The following MAK16 variants were observed in gnomAD, a reference collection of about 807,000 sequenced individuals.
MAK16 encodes protein MAK16 homolog.
In MAK16, 12 loss-of-function variants were observed where a neutral mutation model predicts 49.9. The observed-to-expected ratio is 0.24, with a 90% CI of 0.15 to 0.39. The LOEUF is 0.39. Among genes scored for constraint, MAK16 ranks in the 10% least tolerant of loss-of-function variants. The probability of loss-of-function intolerance (pLI) is 1.00; values close to 1 mark genes in which losing one functional copy is unlikely to be tolerated. For missense variants in MAK16, 292 were observed against 363.7 expected (o/e 0.80, Z 1.60); for synonymous variants, 115 against 126.4 (o/e 0.91, Z 0.60).
In MAK16 at chr8:33,498,459, G is replaced by A. The variant is rs1348341510; in HGVS notation, c.733G>A (p.Asp245Asn). ...EDMDKLDASS[D>N]EDQDGKSSSE... ...TATGGATAAACTGGATGCCAGCAGTGATGAAGATCAGGATGGTAAATCCTC... is the reference window on the plus strand; with the variant it reads ...TATGGATAAACTGGATGCCAGCAGTAATGAAGATCAGGATGGTAAATCCTC... The change falls in exon 10 of 10, where the codon GAT (aspartate) becomes AAT (asparagine). Residue 245 changes from aspartate (D) to asparagine (N), a missense_variant. Transcript: ENST00000360128. 5.0e-6 allele frequency: 8 copies of A among 1,613,954 alleles called. No homozygotes were observed. The African/African-American group carries it at 9.3e-5, about 19-fold the overall frequency.
At chr8:33,491,627 CT>C (rs554026888) in intron 6 of MAK16, among the ~76,000 whole-genome samples, 1,356 of 89,916 alleles carry the variant, frequency 0.015, 1 homozygote, top group African/African-American at 0.056. Flanking sequence ...CTGCCCCCTG[CT>C]TTTTTTTTTT....
In MAK16 at chr8:33,485,350, ACC is replaced by A. The variant is rs955208105; in HGVS notation, c.15+132_15+133del. Reference sequence around the variant, plus strand: ...CCGCTCTGGATGTGAGGCTTCCGGAACCCCGATTTTCCAACATAGGTTCTCAC... The same window carrying A: ...CCGCTCTGGATGTGAGGCTTCCGGAACCGATTTTCCAACATAGGTTCTCAC... On this transcript the variant is annotated intron_variant, in intron 1 of 9. Coordinates refer to ENST00000360128, the MANE Select transcript of MAK16 (RefSeq NM_032509.4). 3 of 1,267,060 alleles carry A rather than the reference ACC, an allele frequency of 2.4e-6. No individual in the cohort carries two copies. In the African/African-American group the frequency reaches 4.4e-5, roughly 19 times the overall value. 78.5% of individuals were successfully genotyped at this position (1,267,060 alleles called of 1,614,324 possible).
intron 6 of MAK16, among the ~76,000 whole-genome samples, chr8:33,493,079 T>G (rs1808802943): frequency 6.6e-6 from 1 of 152,184 alleles, no homozygotes. Context: ...GTTATGTATC[T>G]AAAATCTGTA....
Position 33,499,204 on chromosome 8 carries a change from A to G in MAK16, c.*575A>G, listed in dbSNP as rs537908079. On this transcript the variant is annotated 3_prime_UTR_variant, in exon 10 of 10. Transcript: ENST00000360128. The stretch of plus-strand genomic sequence containing the variant: ...TCCATTGTAGGGTGCGCCTTCAGAA[A>G]CCTGCTGCACTTTTCTGATATAGTT... 1.4e-5 allele frequency: 23 copies of G among 1,614,120 alleles called. No individual in the cohort carries two copies. In the East Asian group the frequency reaches 4.9e-4, roughly 34 times the overall value.
chr8:33,494,060 T>G (rs1808818093), intron 6 of MAK16, among the ~76,000 whole-genome samples: 1 of 152,222 alleles, frequency 6.6e-6, no homozygotes, highest in Admixed American at 6.5e-5. Flanking sequence ...AATATTTTTC[T>G]TTTTGTGAAA....
intron 6 of MAK16, among the ~76,000 whole-genome samples, chr8:33,494,144 G>A (rs1282148465): frequency 6.6e-6 from 1 of 152,142 alleles, no homozygotes; most frequent in Non-Finnish European, 1.5e-5. Context: ...CGCCATCTCG[G>A]CTCACTGCAA....
rs1808745511 is a variant in MAK16, at chr8:33,489,595, G to C, written c.392+456G>C. ...GGGTTTCACCATGTTGGCCAGGCTG[G>C]TCTAGAATTCCTGACCTCAAGCGAT... On this transcript the variant is annotated intron_variant, in intron 5 of 9. Coordinates refer to ENST00000360128, the MANE Select transcript of MAK16 (RefSeq NM_032509.4). The surrounding 1 kb of genome is among the most constrained non-coding windows in gnomAD (Gnocchi z 4.2). 6.6e-6 allele frequency among the ~76,000 whole-genome samples: 1 copy of C among 152,054 alleles called. No homozygotes were observed. Among genetic ancestry groups the C allele is most frequent in the African/African-American group, 2.4e-5 (1 of 41,386 alleles).
chr8:33,489,507 G>T lies in MAK16; in HGVS notation c.392+368G>T, dbSNP rs1808744147. 6.6e-6 allele frequency among the ~76,000 whole-genome samples: 1 copy of T among 152,142 alleles called. No individual in the cohort carries two copies. The highest frequency in any genetic ancestry group is 1.5e-5 in the Non-Finnish European group (1 of 68,028). ...TCCTCCCACCTCAGCCTCCTGAGCA[G>T]CTAGGATTACAGGCATGGACCACCA... On this transcript the variant is annotated intron_variant, in intron 5 of 9. Transcript: ENST00000360128. This position sits in a 1 kb window ranked among gnomAD's most constrained non-coding sequence, Gnocchi z 4.2.
At chr8:33,492,057 T>C (rs1808787239) in intron 6 of MAK16, among the ~76,000 whole-genome samples, 1 of 152,062 alleles carries the variant, frequency 6.6e-6, no homozygotes, top group Admixed American at 6.6e-5. Context: ...TCACCCAGGC[T>C]GGAGTGCTAT....
At chr8:33,497,811 C>T (rs1808900353) in intron 9 of MAK16, among the ~76,000 whole-genome samples, 1 of 151,322 alleles carries the variant, frequency 6.6e-6, no homozygotes, top group Non-Finnish European at 1.5e-5. Context: ...TTTTAAAAAT[C>T]ATGACCAGGC....
rs1808744845 is a variant in MAK16, at chr8:33,489,558, T to C, written c.392+419T>C. On this transcript the variant is annotated intron_variant, in intron 5 of 9. Transcript: ENST00000360128. This position sits in a 1 kb window ranked among gnomAD's most constrained non-coding sequence, Gnocchi z 4.2. ...TGCCTGGTTAATTTTTTTTGTATTT[T>C]TAGTAGAGATGGGGTTTCACCATGT... 6.6e-6 allele frequency among the ~76,000 whole-genome samples: 1 copy of C among 152,042 alleles called. No homozygotes were observed. The highest frequency in any genetic ancestry group is 1.5e-5 in the Non-Finnish European group (1 of 68,000).
Position 33,495,543 on chromosome 8 carries a change from A to G in MAK16, c.449A>G (p.Glu150Gly). 6.2e-7 allele frequency: 1 copy of G among 1,612,154 alleles called. No individual in the cohort carries two copies. The highest frequency in any genetic ancestry group is 8.5e-7 in the Non-Finnish European group (1 of 1,178,962). The change falls in exon 7 of 10, where the codon GAA (glutamate) becomes GGA (glycine). Residue 150 changes from glutamate (E) to glycine (G), a missense_variant and splice_region_variant. Coordinates refer to ENST00000360128, the MANE Select transcript of MAK16 (RefSeq NM_032509.4). ...KVERREKRRE[E>G]KALIAAQLDN... ...AGATTTGCTCTTTCCCCCTTATAGG[A>G]AAAGGCATTAATAGCTGCTCAGCTG...
rs780112855 is a variant in MAK16, at chr8:33,490,372, C to T, written c.447+33C>T. ...ATTGTTGAGATATTCATACCTTCTA[C>T]ATTTTCTTTCTGGGGGTCTCTTATA... is the stretch of plus-strand genomic sequence containing the variant. On this transcript the variant is annotated intron_variant, in intron 6 of 9. Transcript: ENST00000360128. The T allele has an allele frequency of 3.0e-5, 47 of 1,579,160 alleles. 3 individuals are homozygous for T. The South Asian group carries it at 4.8e-4, about 16-fold the overall frequency.
At chr8:33,488,942 G>T (rs1459691852) in intron 4 of MAK16, 46 bp from the exon 5 acceptor site, 2 of 1,612,796 alleles carry the variant, frequency 1.2e-6, no homozygotes, top group African/African-American at 1.3e-5. Context: ...AAAACCTAAT[G>T]AATCATTTAC....
chr8:33,500,820 T>G lies in MAK16; in HGVS notation c.*2191T>G. 8.4e-6 allele frequency: 2 copies of G among 238,236 alleles called. No individual in the cohort carries two copies. The highest frequency in any genetic ancestry group is 6.2e-5 in the South Asian group (1 of 16,218). 14.8% of individuals were successfully genotyped at this position (238,236 alleles called of 1,614,324 possible). ...TCTCCCCAACCAAGGGCCTATACTT[T>G]TATTTTTCAACTCTATTAACTGAAC... On this transcript the variant is annotated 3_prime_UTR_variant, in exon 10 of 10. Coordinates refer to ENST00000360128, the MANE Select transcript of MAK16 (RefSeq NM_032509.4).
intron 2 of MAK16, 24 bp downstream of exon 2, chr8:33,488,451 T>C: frequency 1.9e-6 from 3 of 1,614,096 alleles, no homozygotes; most frequent in Non-Finnish European, 2.5e-6. Context: ...TACAACTTGG[T>C]CAAAGATTCC....
chr8:33,494,613 GAC>G (rs1394647996), intron 6 of MAK16, among the ~76,000 whole-genome samples: 1 of 152,180 alleles, frequency 6.6e-6, no homozygotes, highest in Non-Finnish European at 1.5e-5. Context: ...TTACTTTATA[GAC>G]AGAGTCAAGG....
Position 33,499,331 on chromosome 8 carries a change from C to T in MAK16, c.*702C>T, listed in dbSNP as rs1036251555. 9.0e-5 allele frequency: 115 copies of T among 1,280,792 alleles called. No homozygotes were observed. Among genetic ancestry groups the T allele is most frequent in the South Asian group, 4.2e-4 (35 of 82,438 alleles). The allele number at this position is 1,280,792 out of a possible 1,614,324, so 79.3% of individuals were successfully genotyped here. On this transcript the variant is annotated 3_prime_UTR_variant, in exon 10 of 10. Coordinates refer to ENST00000360128, the MANE Select transcript of MAK16 (RefSeq NM_032509.4). ...TATTTTTTTTTTTTTAATTACTTTC[C>T]CCTTTTGCTTGATTCTTCTTCCTTG...
chr8:33,496,578 G>T, intron 7 of MAK16, 47 bp from the exon 8 acceptor site: 1 of 1,419,256 alleles, frequency 7.0e-7, no homozygotes. Context: ...AACTTCAAGT[G>T]TAATATCCAA....
Sources: allele counts gnomAD v4.1 joint callset (sites outside exome capture counted in the v4.1 genomes callset), GRCh38; gene constraint gnomAD v4.1.1; non-coding constraint Gnocchi (gnomAD v3.1); transcripts MANE v1.5; gene names NCBI Gene and HGNC (gene_info 2026-07-23, HGNC 2026-07-21).